CPVL: variants seen among roughly 807,000 people sequenced by gnomAD.
CPVL encodes probable serine carboxypeptidase CPVL.
A neutral mutation model predicts 63.7 loss-of-function variants in CPVL; 51 were observed. That is an observed-to-expected ratio of 0.80 (90% CI 0.64 to 1.01). The LOEUF is 1.01. CPVL is among the 50% of genes least tolerant of loss of function. The pLI is 0.00. For missense variants in CPVL, 530 were observed against 573.1 expected, an observed-to-expected ratio of 0.92 and a Z score of 0.77; for synonymous variants, 195 against 206.0, an observed-to-expected ratio of 0.95 and a Z score of 0.46.
chr7:28,998,941 C>T (rs1784347528), intron 12 of CPVL, among the ~76,000 whole-genome samples: 1 of 152,098 alleles, frequency 6.6e-6, no homozygotes, highest in Admixed American at 6.5e-5. Context: ...TGCAGTGGCT[C>T]ATGCCTGTAA....
At chr7:29,039,091 C>T (rs183224216) in intron 11 of CPVL, among the ~76,000 whole-genome samples, 1 of 152,244 alleles carries the variant, frequency 6.6e-6, no homozygotes, top group East Asian at 1.9e-4. Flanking sequence ...GAAATTTATG[C>T]TTTCATTCTT....
intron 7 of CPVL, among the ~76,000 whole-genome samples, chr7:29,075,195 A>G (rs1784120796): frequency 6.6e-6 from 1 of 152,136 alleles, no homozygotes; most frequent in Non-Finnish European, 1.5e-5. Context: ...ACGTAGGCTG[A>G]AACATCTGCA....
chr7:29,047,229 T>C (rs560508163), intron 11 of CPVL, among the ~76,000 whole-genome samples: 1 of 152,202 alleles, frequency 6.6e-6, no homozygotes, highest in Admixed American at 6.5e-5. Context: ...AAGGGAGCCA[T>C]TTGCATTAGA....
intron 5 of CPVL, among the ~76,000 whole-genome samples, chr7:29,169,874 G>A (rs1460544254): frequency 2.0e-5 from 3 of 147,034 alleles, no homozygotes; most frequent in African/African-American, 7.8e-5. Context: ...GTGTGTGTGT[G>A]TGTGTGTATA....
In CPVL at chr7:29,129,510, G is replaced by A. The variant is rs148029781; in HGVS notation, c.-10-8439C>T. Among the ~76,000 whole-genome samples, 278 of 147,614 alleles carry A rather than the reference G, an allele frequency of 1.9e-3. 1 individual carries two copies. Among genetic ancestry groups the A allele is most frequent in the African/African-American group, 6.4e-3 (255 of 39,842 alleles). ...TTTTTGAGACGAGTCTCGCTCGGTC[G>A]CCAGGGTGGAGTGCAGTGGCACGAT... On this transcript the variant is annotated intron_variant, in intron 1 of 12. Coordinates refer to ENST00000265394, the MANE Select transcript of CPVL (RefSeq NM_031311.5).
intron 6 of CPVL, among the ~76,000 whole-genome samples, chr7:29,088,302 A>C (rs1000904181): frequency 2.0e-5 from 3 of 152,192 alleles, no homozygotes; most frequent in Non-Finnish European, 4.4e-5. Flanking sequence ...TTCAAATTTA[A>C]CTGGGTATTT....
At chr7:29,076,200 T>A (rs1417391809) in intron 7 of CPVL, among the ~76,000 whole-genome samples, 1 of 152,190 alleles carries the variant, frequency 6.6e-6, no homozygotes, top group Non-Finnish European at 1.5e-5. Flanking sequence ...CTTAGGCTTA[T>A]AACAGTGATT....
intron 1 of CPVL, among the ~76,000 whole-genome samples, chr7:29,140,962 G>A (rs555940314): frequency 6.6e-6 from 1 of 152,278 alleles, no homozygotes; most frequent in South Asian, 2.1e-4. Context: ...AAGTAGGAAG[G>A]TTGCATGACC....
chr7:29,006,161 C>T (rs1401069085), intron 12 of CPVL, among the ~76,000 whole-genome samples: 1 of 152,186 alleles, frequency 6.6e-6, no homozygotes, highest in Non-Finnish European at 1.5e-5. Context: ...TGCCCAACTC[C>T]ATGTTTAGTG....
At chr7:29,097,068 GC>G (rs1786508359) in intron 3 of CPVL, among the ~76,000 whole-genome samples, 1 of 151,556 alleles carries the variant, frequency 6.6e-6, no homozygotes, top group African/African-American at 2.4e-5. Context: ...ATGAGGAGGA[GC>G]AGACAGCCCC....
rs564438081 is a variant in CPVL, at chr7:29,094,153, C to T, written c.462+931G>A. Among the ~76,000 whole-genome samples, 3 of 152,098 alleles carry T rather than the reference C, an allele frequency of 2.0e-5. No individual in the cohort carries two copies. In the East Asian group the frequency reaches 5.8e-4, roughly 29 times the overall value. On this transcript the variant is annotated intron_variant, in intron 5 of 12. Transcript: ENST00000265394. ...GTCAGGAGTTCAAGACCAGCCTGGC[C>T]AACATGGTGAAATCCCATCTCTACT...
intron 6 of CPVL, among the ~76,000 whole-genome samples, chr7:29,091,145 T>C (rs1785732429): frequency 6.6e-6 from 1 of 152,160 alleles, no homozygotes; most frequent in Non-Finnish European, 1.5e-5. Flanking sequence ...CTATAAACAA[T>C]AGATGCTTTG....
intron 11 of CPVL, among the ~76,000 whole-genome samples, chr7:29,063,823 C>CA (rs1422650343): frequency 6.6e-6 from 1 of 152,136 alleles, no homozygotes; most frequent in African/African-American, 2.4e-5. Context: ...CCACCCGCCT[C>CA]AGGCTCCCAA....
intron 5 of CPVL, among the ~76,000 whole-genome samples, chr7:29,156,519 T>C (rs1794396200): frequency 6.6e-6 from 1 of 152,208 alleles, no homozygotes; most frequent in Non-Finnish European, 1.5e-5. Flanking sequence ...CCATATGTCA[T>C]CTCCTTTTAT....
chr7:29,140,934 T>C (rs1791804885), intron 1 of CPVL, among the ~76,000 whole-genome samples: 1 of 152,034 alleles, frequency 6.6e-6, no homozygotes, highest in Admixed American at 6.5e-5. Context: ...ATGAATGAAG[T>C]GATTGTTGAA....
At chr7:29,092,524 G>A (rs1317486858) in intron 6 of CPVL, 99 bp downstream of exon 6, 4 of 774,182 alleles carry the variant, frequency 5.2e-6, no homozygotes, top group Non-Finnish European at 8.9e-6. Context: ...TGGACTATAA[G>A]GCTCAGTCAA....
chr7:29,025,595 C>T (rs112410189), intron 12 of CPVL, among the ~76,000 whole-genome samples: 2 of 152,088 alleles, frequency 1.3e-5, no homozygotes, highest in Non-Finnish European at 2.9e-5. Flanking sequence ...CAGCTACCTG[C>T]AAGAAACTCA....
intron 1 of CPVL, among the ~76,000 whole-genome samples, chr7:29,143,377 A>G (rs1265525092): frequency 2.0e-5 from 3 of 152,174 alleles, no homozygotes; most frequent in African/African-American, 7.2e-5. Flanking sequence ...CTTCTAATCA[A>G]TAATAGAATC....
intron 7 of CPVL, among the ~76,000 whole-genome samples, chr7:29,079,962 T>C (rs1411548705): frequency 1.3e-5 from 2 of 152,036 alleles, no homozygotes; most frequent in African/African-American, 2.4e-5. Context: ...AGAACAATCA[T>C]GATACAGATG....
Sources: allele counts gnomAD v4.1 joint callset (sites outside exome capture counted in the v4.1 genomes callset), GRCh38; gene constraint gnomAD v4.1.1; transcripts MANE v1.5; gene names NCBI Gene and HGNC (gene_info 2026-07-23, HGNC 2026-07-21).